GADL1: variants seen among roughly 807,000 people sequenced by gnomAD.
GADL1 encodes the protein GAD like acidic amino acid decarboxylase 1, also known as acidic amino acid decarboxylase GADL1.
In GADL1, 71 loss-of-function variants were observed where a neutral mutation model predicts 69.5. The ratio of observed to expected loss-of-function variants is 1.02; its 90% CI spans 0.84 to 1.25. The LOEUF is 1.25. Among genes scored for constraint, GADL1 ranks in the 50% most tolerant of loss-of-function variants. The pLI, the probability that GADL1 is intolerant of heterozygous loss-of-function variation, is 0.00. For synonymous variants in GADL1, 254 were observed against 214.4 expected (o/e 1.18, Z -1.62); for missense variants, 737 against 631.8 (o/e 1.17, Z -1.79).
intron 9 of GADL1, among the ~76,000 whole-genome samples, chr3:30,835,160 G>A (rs979877018): frequency 1.3e-5 from 2 of 151,828 alleles, no homozygotes; most frequent in Non-Finnish European, 2.9e-5. Flanking sequence ...CCAAGGTCTC[G>A]CCAATGACAA....
intron 14 of GADL1, among the ~76,000 whole-genome samples, chr3:30,752,181 G>GT (rs10634413): frequency 7.9e-5 from 12 of 152,006 alleles, no homozygotes; most frequent in Non-Finnish European, 1.2e-4. Context: ...ATGTAGTGCT[G>GT]TTAAGTTCTC....
intron 12 of GADL1, among the ~76,000 whole-genome samples, chr3:30,793,727 TTA>T (rs1696970542): frequency 6.6e-6 from 1 of 152,164 alleles, no homozygotes; most frequent in Non-Finnish European, 1.5e-5. Flanking sequence ...CCCTTTGTTT[TTA>T]TTTTTCTTGT....
At chr3:30,766,931 C>G (rs304832) in intron 14 of GADL1, among the ~76,000 whole-genome samples, 65,268 of 151,874 alleles carry the variant, frequency 0.43, 14,009 homozygotes, top group Admixed American at 0.44. Flanking sequence ...GTTAAGCAAA[C>G]AAAAAGGCAT....
intron 14 of GADL1, among the ~76,000 whole-genome samples, chr3:30,756,580 CGT>C (rs1032881155): frequency 1.3e-5 from 2 of 151,906 alleles, no homozygotes; most frequent in African/African-American, 2.4e-5. Context: ...CAGAAGTAAT[CGT>C]GTGCTAAATT....
rs79287833 is a variant in GADL1 at position 30,838,017 on chromosome 3, A to C, written c.903+980T>G. Among the ~76,000 whole-genome samples the C allele has an allele frequency of 8.1e-3, 1,228 of 152,284 alleles. 15 individuals are homozygous for C. The highest frequency in any genetic ancestry group is 0.028 in the African/African-American group (1,169 of 41,574). ...TATCACAGACACTCTACTAGGTGATATGATTTGATTGAAATAAACACTTTG... is the reference window on the plus strand; with the variant it reads ...TATCACAGACACTCTACTAGGTGATCTGATTTGATTGAAATAAACACTTTG... On this transcript the variant is annotated intron_variant, in intron 9 of 14. Transcript: ENST00000282538.
chr3:30,886,356 G>T (rs1278603866), intron 1 of GADL1, among the ~76,000 whole-genome samples: 1 of 152,102 alleles, frequency 6.6e-6, no homozygotes, highest in African/African-American at 2.4e-5. Flanking sequence ...AAAAGACAAG[G>T]TGTTGATTTC....
chr3:30,786,750 A>G (rs1696798974), intron 12 of GADL1, among the ~76,000 whole-genome samples: 1 of 152,220 alleles, frequency 6.6e-6, no homozygotes, highest in African/African-American at 2.4e-5. Context: ...ATAGGTACTT[A>G]CATTAAATAG....
chr3:30,774,791 T>G (rs1032950870), intron 14 of GADL1, among the ~76,000 whole-genome samples: 2 of 152,088 alleles, frequency 1.3e-5, no homozygotes, highest in Non-Finnish European at 1.5e-5. Context: ...CTATAAATAG[T>G]GGTCATTGAC....
In GADL1 at chr3:30,745,510, C is replaced by T. The variant is rs149830059; in HGVS notation, c.1393-17095G>A. On this transcript the variant is annotated intron_variant, in intron 14 of 14. Coordinates refer to ENST00000282538, the MANE Select transcript of GADL1 (RefSeq NM_207359.3). ...ATGGACAAGGGATAGAAAATAAAAC[C>T]CTATTGCTATCTGCTATATTAAGAA... 8.7e-4 allele frequency among the ~76,000 whole-genome samples: 133 copies of T among 152,138 alleles called. No homozygotes were observed. In the Middle Eastern group the frequency reaches 0.014, roughly 16 times the overall value.
chr3:30,796,442 A>AGG (rs1697034422), intron 12 of GADL1, among the ~76,000 whole-genome samples: 1 of 152,184 alleles, frequency 6.6e-6, no homozygotes, highest in African/African-American at 2.4e-5. Context: ...CCCAGTGCCG[A>AGG]GAGAGAGCAG....
chr3:30,742,919 C>T (rs529440721), intron 14 of GADL1, among the ~76,000 whole-genome samples: 60 of 151,618 alleles, frequency 4.0e-4, no homozygotes, highest in African/African-American at 1.4e-3. Context: ...GGTGAAATTG[C>T]TACTTAAAGC....
At chr3:30,884,921 A>G (rs1285242116) in intron 1 of GADL1, among the ~76,000 whole-genome samples, 1 of 152,000 alleles carries the variant, frequency 6.6e-6, no homozygotes, top group African/African-American at 2.4e-5. Flanking sequence ...CCTTTATCGT[A>G]TGGGGGCAGT....
chr3:30,814,088 G>A (rs78965246), intron 11 of GADL1, among the ~76,000 whole-genome samples: 224 of 152,274 alleles, frequency 1.5e-3, no homozygotes, highest in Middle Eastern at 6.8e-3. Context: ...CACTGCACAC[G>A]TTTGAACATT....
chr3:30,870,829 T>G (rs1034064315), intron 1 of GADL1, among the ~76,000 whole-genome samples: 1 of 151,598 alleles, frequency 6.6e-6, no homozygotes, highest in African/African-American at 2.4e-5. Context: ...ATTCTTAGGT[T>G]TGAGACCCGA....
At chr3:30,835,201 C>T (rs867841477) in intron 9 of GADL1, among the ~76,000 whole-genome samples, 2 of 152,140 alleles carry the variant, frequency 1.3e-5, no homozygotes, top group Middle Eastern at 6.8e-3. Flanking sequence ...AGCCCATTCT[C>T]CTGTCATGTT....
Position 30,833,837 on chromosome 3 carries a change from C to A in GADL1, c.1050+16G>T. The A allele has an allele frequency of 6.3e-7, 1 of 1,599,728 alleles. No individual in the cohort carries two copies. The highest frequency in any genetic ancestry group is 8.6e-7 in the Non-Finnish European group (1 of 1,167,548). On this transcript the variant is annotated intron_variant, in intron 11 of 14. Transcript: ENST00000282538. ...AACCCCCTTGAAGCCCAAAGGACCA[C>A]AAGAGGAAAACTTACAGATTTGTCT... is the stretch of plus-strand genomic sequence containing the variant.
At chr3:30,844,754 C>A (rs944113440) in intron 6 of GADL1, among the ~76,000 whole-genome samples, 1 of 152,028 alleles carries the variant, frequency 6.6e-6, no homozygotes, top group Admixed American at 6.6e-5. Context: ...AGGGATCATG[C>A]CAATAATGCC....
chr3:30,791,814 G>A (rs1696925603), intron 12 of GADL1, among the ~76,000 whole-genome samples: 1 of 152,004 alleles, frequency 6.6e-6, no homozygotes, highest in Non-Finnish European at 1.5e-5. Context: ...TCATGTGGGT[G>A]GGTTTTCTCA....
rs1246127451 is a variant in GADL1, at chr3:30,726,821, C to T, written c.*1421G>A. 1 of 152,376 alleles carries T rather than the reference C, an allele frequency of 6.6e-6. No homozygotes were observed. The highest frequency in any genetic ancestry group is 1.5e-5 in the Non-Finnish European group (1 of 67,996). 9.4% of individuals were successfully genotyped at this position (152,376 alleles called of 1,614,324 possible). A position where few individuals can be genotyped will look rare whatever the true frequency, so the allele number is the denominator to read the frequency against. On this transcript the variant is annotated 3_prime_UTR_variant, in exon 15 of 15. Coordinates refer to ENST00000282538, the MANE Select transcript of GADL1 (RefSeq NM_207359.3). ...AATTTCTTAGTTAAACAAAACTCTC[C>T]TAGAAACCTAGGACCAGGGTCAGAG...
Sources: allele counts gnomAD v4.1 joint callset (sites outside exome capture counted in the v4.1 genomes callset), GRCh38; gene constraint gnomAD v4.1.1; transcripts MANE v1.5; gene names NCBI Gene and HGNC (gene_info 2026-07-23, HGNC 2026-07-21).